NFASC: variants seen among roughly 807,000 people sequenced by gnomAD.
NFASC encodes the protein neurofascin.
NFASC carries 43 observed loss-of-function variants against 147.5 expected under a neutral mutation model. The observed-to-expected ratio is 0.29, with a 90% confidence interval of 0.23 to 0.38. The LOEUF is 0.38. Ranked by LOEUF, NFASC falls within the 10% of genes least tolerant of loss-of-function variation. The probability of loss-of-function intolerance (pLI) is 1.00; values close to 1 mark genes in which losing one functional copy is unlikely to be tolerated. For synonymous variants in NFASC, 622 were observed against 665.5 expected, an observed-to-expected ratio of 0.93 and a Z score of 1.01; for missense variants, 1,320 against 1,689.0, an observed-to-expected ratio of 0.78 and a Z score of 3.83.
chr1:204,919,699 G>T lies in NFASC; in HGVS notation c.-199-933G>T, dbSNP rs188053568. ...GCTGGAGTGCAGTTGCGCAATCTTG[G>T]CTCACTATAACCTCTGCCTCCCGGG... On this transcript the variant is annotated intron_variant, in intron 1 of 29. Coordinates refer to ENST00000339876, the MANE Select transcript of NFASC (RefSeq NM_001005388.3). Among the ~76,000 whole-genome samples the T allele has an allele frequency of 2.9e-3, 444 of 152,144 alleles. 10 individuals are homozygous for T. The highest frequency in any genetic ancestry group is 9.3e-3 in the South Asian group (45 of 4,814).
intron 24 of NFASC, among the ~76,000 whole-genome samples, chr1:204,994,919 C>A (rs2095814933): frequency 6.6e-6 from 1 of 151,844 alleles, no homozygotes; most frequent in Non-Finnish European, 1.5e-5. Context: ...TCAAGACCAG[C>A]CTGGGTTCCA....
chr1:204,943,090 G>T (rs1293092590), intron 2 of NFASC, among the ~76,000 whole-genome samples: 1 of 152,178 alleles, frequency 6.6e-6, no homozygotes, highest in Non-Finnish European at 1.5e-5. Context: ...AATAAAATAG[G>T]AGCAGGAGAA....
intron 1 of NFASC, among the ~76,000 whole-genome samples, chr1:204,832,680 T>C (rs1389334351): frequency 6.6e-6 from 1 of 152,216 alleles, no homozygotes; most frequent in East Asian, 1.9e-4. Context: ...ATCCTGAGCC[T>C]TTGAATCTGT....
chr1:204,996,921 T>C (rs2095857150), intron 24 of NFASC, among the ~76,000 whole-genome samples: 1 of 152,126 alleles, frequency 6.6e-6, no homozygotes, highest in African/African-American at 2.4e-5. Flanking sequence ...GGGTGCATGC[T>C]GGGTGTTTCG....
At chr1:204,864,105 T>C (rs1232173829) in intron 1 of NFASC, among the ~76,000 whole-genome samples, 1 of 152,252 alleles carries the variant, frequency 6.6e-6, no homozygotes, top group East Asian at 1.9e-4. Flanking sequence ...TACATATATT[T>C]CACATAAATG....
At chr1:204,857,920 T>C (rs2076300740) in intron 1 of NFASC, among the ~76,000 whole-genome samples, 1 of 131,764 alleles carries the variant, frequency 7.6e-6, no homozygotes, top group Admixed American at 7.4e-5. Context: ...CTTCTTCTTC[T>C]TTTTTTTTTT....
intron 27 of NFASC, among the ~76,000 whole-genome samples, chr1:205,003,525 G>A (rs1341539921): frequency 2.0e-5 from 3 of 152,178 alleles, no homozygotes; most frequent in Admixed American, 2.0e-4. Flanking sequence ...CCTGGTCTGA[G>A]TGAGTGTAGC....
chr1:204,902,092 G>A (rs148743553), intron 1 of NFASC, among the ~76,000 whole-genome samples: 5 of 152,236 alleles, frequency 3.3e-5, no homozygotes, highest in Admixed American at 6.5e-5. Context: ...CTAGGAATTC[G>A]AGACCAGCCT....
At chr1:204,985,057 G>A (rs1160770447) in intron 21 of NFASC, among the ~76,000 whole-genome samples, 3 of 152,126 alleles carry the variant, frequency 2.0e-5, no homozygotes, top group Non-Finnish European at 4.4e-5. Flanking sequence ...CCCCACAGAT[G>A]ACTTGCACCC....
chr1:204,977,561 G>T (rs972364004), intron 16 of NFASC, 120 bp from the exon 17 acceptor site: 12 of 834,624 alleles, frequency 1.4e-5, no homozygotes, highest in Non-Finnish European at 1.7e-5. Context: ...GGACAGCCCT[G>T]CCTAGAACAC....
At chr1:204,962,941 C>T (rs2094758475) in intron 8 of NFASC, among the ~76,000 whole-genome samples, 1 of 152,178 alleles carries the variant, frequency 6.6e-6, no homozygotes, top group African/African-American at 2.4e-5. Context: ...TACCCCTCAC[C>T]ATGGCTCAAG....
At chr1:204,902,853 G>A (rs11240308) in intron 1 of NFASC, among the ~76,000 whole-genome samples, 39,911 of 152,120 alleles carry the variant, frequency 0.26, 6,612 homozygotes, top group South Asian at 0.44. Flanking sequence ...ATGCCACGAA[G>A]GGCCCACTTG....
intron 3 of NFASC, among the ~76,000 whole-genome samples, chr1:204,947,922 CCACTCA>C (rs918487580): frequency 2.0e-5 from 3 of 151,790 alleles, no homozygotes; most frequent in South Asian, 2.1e-4. Context: ...ACACTCACAC[CCACTCA>C]CACTCACACC....
intron 21 of NFASC, chr1:204,983,935 G>A: frequency 1.3e-6 from 1 of 792,182 alleles, no homozygotes; most frequent in Non-Finnish European, 2.2e-6. Flanking sequence ...CCAGTGTTGA[G>A]TGGAGTGCAG....
At chr1:204,872,553 C>G in intron 1 of NFASC, among the ~76,000 whole-genome samples, 1 of 152,188 alleles carries the variant, frequency 6.6e-6, no homozygotes, top group East Asian at 1.9e-4. Context: ...CGGCTGGGCA[C>G]CTGGCCTGGA....
chr1:204,843,563 CCCTTCTCTCCTT>C (rs1354376966), intron 1 of NFASC, among the ~76,000 whole-genome samples: 31 of 151,386 alleles, frequency 2.0e-4, no homozygotes, highest in Non-Finnish European at 2.9e-4. Flanking sequence ...CTCTCTCTCT[CCCTTCTCTCCTT>C]CCTTCTTTCC....
intron 1 of NFASC, among the ~76,000 whole-genome samples, chr1:204,917,679 T>C (rs1198903429): frequency 1.3e-5 from 2 of 152,240 alleles, no homozygotes; most frequent in African/African-American, 4.8e-5. Context: ...GAAACCTTAT[T>C]CTTCTTGGTC....
chr1:204,968,178 T>A lies in NFASC; in HGVS notation c.707-71T>A. The A allele has an allele frequency of 9.0e-7, 1 of 1,117,142 alleles. No homozygotes were observed. The highest frequency in any genetic ancestry group is 1.3e-5 in the South Asian group (1 of 79,250). The allele number at this position is 1,117,142 out of a possible 1,614,324, so 69.2% of individuals were successfully genotyped here. On this transcript the variant is annotated intron_variant, in intron 8 of 29. Coordinates refer to ENST00000339876, the MANE Select transcript of NFASC (RefSeq NM_001005388.3). The surrounding 1 kb of genome is among the most constrained non-coding windows in gnomAD (Gnocchi z 5.4). The stretch of plus-strand genomic sequence containing the variant: ...GCGGTGATGCCACTTCTCTCTAGCC[T>A]GACAGCGTTGGCCTAGTGGGGTCTG...
chr1:204,851,518 A>G (rs989545633), intron 1 of NFASC, among the ~76,000 whole-genome samples: 1 of 151,954 alleles, frequency 6.6e-6, no homozygotes, highest in Non-Finnish European at 1.5e-5. Context: ...TTTTTAGTGG[A>G]GATGGAGTTT....
Sources: allele counts gnomAD v4.1 joint callset (sites outside exome capture counted in the v4.1 genomes callset), GRCh38; gene constraint gnomAD v4.1.1; non-coding constraint Gnocchi (gnomAD v3.1); transcripts MANE v1.5; gene names NCBI Gene and HGNC (gene_info 2026-07-23, HGNC 2026-07-21).